Variants in INO80C observed in about 807,000 individuals in gnomAD.
The protein encoded by INO80C is INO80 complex subunit C, also known as IES6 homolog.
A neutral mutation model predicts 17.7 loss-of-function variants in INO80C; 17 were observed. That is an observed-to-expected ratio of 0.96 (90% CI 0.66 to 1.44). The LOEUF (loss-of-function observed/expected upper bound fraction) is 1.44, where lower values mean the gene tolerates loss of function less well. Ranked by LOEUF, INO80C falls within the 40% of genes most tolerant of loss-of-function variation. INO80C has a pLI of 0.00. For synonymous variants in INO80C, 96 were observed against 95.8 expected, an observed-to-expected ratio of 1.00 and a Z score of -0.01; for missense variants, 244 against 245.0, an observed-to-expected ratio of 1.00 and a Z score of 0.03.
At position 35,479,283 on chromosome 18, in the gene INO80C, G is replaced by A. The variant is rs1427845006; in HGVS notation, c.379+17C>T. 1 of 1,479,630 alleles carries A rather than the reference G, an allele frequency of 6.8e-7. No individual in the cohort carries two copies. Among genetic ancestry groups the A allele is most frequent in the Admixed American group, 1.7e-5 (1 of 59,626 alleles). 91.7% of individuals were successfully genotyped at this position (1,479,630 alleles called of 1,614,324 possible). A position where few individuals can be genotyped will look rare whatever the true frequency, so the allele number is the denominator to read the frequency against. On this transcript the variant is annotated intron_variant, in intron 3 of 4. Transcript: ENST00000334598. ...CTCTGAACATTACAAACACATGGAA[G>A]GCTCTAGACAGCTCACAGTTAGGAT...
At chr18:35,485,192 G>C (rs2045858512) in intron 1 of INO80C, among the ~76,000 whole-genome samples, 1 of 152,000 alleles carries the variant, frequency 6.6e-6, no homozygotes, top group Admixed American at 6.6e-5. Context: ...AATAAATACT[G>C]GGGGCATGGG....
At chr18:35,483,081 T>C (rs1054123571) in intron 1 of INO80C, among the ~76,000 whole-genome samples, 7 of 152,142 alleles carry the variant, frequency 4.6e-5, no homozygotes, top group Non-Finnish European at 1.0e-4. Context: ...GCAAAAAGAG[T>C]CTCCAATTTT....
intron 1 of INO80C, chr18:35,497,366 T>G: frequency 9.4e-7 from 1 of 1,059,056 alleles, no homozygotes; most frequent in South Asian, 3.1e-5. Context: ...ACTGGGTAGA[T>G]GTCTGCAGAA....
chr18:35,468,483 A>G lies in INO80C; in HGVS notation c.*128T>C. The G allele has an allele frequency of 6.7e-7, 1 of 1,501,896 alleles. No individual in the cohort carries two copies. Among genetic ancestry groups the G allele is most frequent in the Non-Finnish European group, 8.9e-7 (1 of 1,128,958 alleles). The allele number at this position is 1,501,896 out of a possible 1,614,324, so 93.0% of individuals were successfully genotyped here. A position where few individuals can be genotyped will look rare whatever the true frequency, so the allele number is the denominator to read the frequency against. ...AAAAACCCTTAAATTAAAGCCAAAC[A>G]TTCTTTCCAAGGCACAGCACTGGCA... On this transcript the variant is annotated 3_prime_UTR_variant, in exon 5 of 5. Coordinates refer to ENST00000334598, the MANE Select transcript of INO80C (RefSeq NM_194281.4).
At chr18:35,474,601 C>T (rs1312610040) in intron 4 of INO80C, among the ~76,000 whole-genome samples, 2 of 151,942 alleles carry the variant, frequency 1.3e-5, no homozygotes, top group Non-Finnish European at 2.9e-5. Flanking sequence ...GCACGTGGAT[C>T]GCTTGAGCCC....
chr18:35,480,455 C>A lies in INO80C; in HGVS notation c.265G>T (p.Val89Leu). ...CAGCTAATACCTTCGATGCTTACCA[C>A]AAAGTTGGGATCCTTAAATGGCAAA... Reference protein sequence around the residue: ...KPLPFKDPNFVHSGHGGAVAG... With the variant: ...KPLPFKDPNFLHSGHGGAVAG... Residue 89 changes from valine to leucine, a missense_variant and splice_region_variant, in exon 2 of 5, where the codon GTG becomes TTG. Coordinates refer to ENST00000334598, the MANE Select transcript of INO80C (RefSeq NM_194281.4). The A allele has an allele frequency of 6.2e-7, 1 of 1,605,908 alleles. No homozygotes were observed.
intron 1 of INO80C, among the ~76,000 whole-genome samples, chr18:35,495,717 T>C (rs910332316): frequency 2.0e-5 from 3 of 152,278 alleles, no homozygotes; most frequent in Non-Finnish European, 2.9e-5. Context: ...CAACTGGTTA[T>C]CAAAACGCAC....
intron 4 of INO80C, among the ~76,000 whole-genome samples, chr18:35,474,992 A>G (rs2045717763): frequency 6.6e-6 from 1 of 152,206 alleles, no homozygotes; most frequent in South Asian, 2.1e-4. Context: ...AGAAGGGAAA[A>G]AGACAAGGCA....
intron 3 of INO80C, 57 bp downstream of exon 3, chr18:35,479,243 A>G (rs1347686187): frequency 1.0e-5 from 11 of 1,080,664 alleles, no homozygotes; most frequent in South Asian, 7.7e-5. Flanking sequence ...GTAGGTTGTT[A>G]TAAGACAGTT....
chr18:35,485,543 AAC>A (rs2144068330), intron 1 of INO80C, among the ~76,000 whole-genome samples: 1 of 152,282 alleles, frequency 6.6e-6, no homozygotes, highest in South Asian at 2.1e-4. Context: ...CAAAGACAAT[AAC>A]ACATATTGGC....
At chr18:35,475,780 C>T (rs1598738347) in intron 4 of INO80C, among the ~76,000 whole-genome samples, 1 of 151,846 alleles carries the variant, frequency 6.6e-6, no homozygotes, top group Non-Finnish European at 1.5e-5. Context: ...TAAATTGTTC[C>T]AGTAGAAAGA....
chr18:35,478,354 G>GGAA lies in INO80C; in HGVS notation c.380-6_380-5insTTC. The GGAA allele has an allele frequency of 4.7e-6, 6 of 1,279,428 alleles. No individual in the cohort carries two copies. In the East Asian group the frequency reaches 8.5e-5, roughly 18 times the overall value. 79.3% of individuals were successfully genotyped at this position (1,279,428 alleles called of 1,614,324 possible). A position where few individuals can be genotyped will look rare whatever the true frequency, so the allele number is the denominator to read the frequency against. ...GAGGAGCATCAATACTGAAGTCTGG[G>GGAA]AAAAAAAAAAAAAAAAGATAACTAA... On this transcript the variant is annotated splice_region_variant and splice_polypyrimidine_tract_variant and intron_variant, in intron 3 of 4. Coordinates refer to ENST00000334598, the MANE Select transcript of INO80C (RefSeq NM_194281.4).
intron 1 of INO80C, among the ~76,000 whole-genome samples, chr18:35,488,122 G>A (rs542941519): frequency 1.2e-4 from 19 of 152,226 alleles, no homozygotes; most frequent in Admixed American, 3.3e-4. Context: ...ACAGGCTGGC[G>A]TTGAGTGTCT....
chr18:35,496,893 GTATT>G (rs1394106215), intron 1 of INO80C: 1 of 152,180 alleles, frequency 6.6e-6, no homozygotes, highest in African/African-American at 2.4e-5. Flanking sequence ...CTATAGCAAA[GTATT>G]TAATATTAAA....
intron 4 of INO80C, among the ~76,000 whole-genome samples, chr18:35,470,068 G>T (rs982057044): frequency 6.6e-6 from 1 of 152,146 alleles, no homozygotes; most frequent in Admixed American, 6.5e-5. Flanking sequence ...AATTATAAAA[G>T]ATGCCATTAA....
intron 1 of INO80C, among the ~76,000 whole-genome samples, 185 bp from the exon 2 acceptor site, chr18:35,480,748 A>C (rs1598742341): frequency 6.6e-6 from 1 of 152,196 alleles, no homozygotes; most frequent in Non-Finnish European, 1.5e-5. Flanking sequence ...CCTGCTGTGC[A>C]GAAGCCACAG....
At chr18:35,475,551 C>A (rs1310771951) in intron 4 of INO80C, among the ~76,000 whole-genome samples, 2 of 151,966 alleles carry the variant, frequency 1.3e-5, no homozygotes, top group African/African-American at 4.8e-5. Flanking sequence ...ACACCTGTAG[C>A]CCCAGTTACT....
At chr18:35,470,906 G>A (rs1567977162) in intron 4 of INO80C, among the ~76,000 whole-genome samples, 1 of 152,146 alleles carries the variant, frequency 6.6e-6, no homozygotes, top group Non-Finnish European at 1.5e-5. Flanking sequence ...ATAAGCAAAC[G>A]CCAACTTCCC....
At position 35,480,538 on chromosome 18, in the gene INO80C, TCA is replaced by T; in HGVS notation, c.180_181del (p.Ser60ArgfsTer3). The stretch of plus-strand genomic sequence containing the variant: ...AAACTCAGAGGGCACCATTTTATTC[TCA>T]CTCATGGCTTCCATGCTGATACCCT... On this transcript the variant is annotated frameshift_variant, in exon 2 of 5. Transcript: ENST00000334598. LOFTEE classifies it high-confidence loss of function. 1.2e-6 allele frequency: 2 copies of T among 1,613,634 alleles called. No individual in the cohort carries two copies. The highest frequency in any genetic ancestry group is 1.7e-6 in the Non-Finnish European group (2 of 1,179,464).
Sources: gnomAD v4.1 joint callset for allele counts (sites outside exome capture counted in the v4.1 genomes callset) on GRCh38, gnomAD v4.1.1 for gene constraint, MANE v1.5 for transcripts, NCBI Gene and HGNC (gene_info 2026-07-23, HGNC 2026-07-21) for gene names.